Variants in CDH20 observed in about 807,000 individuals in gnomAD.
The protein encoded by CDH20 is cadherin 20.
A neutral mutation model predicts 74.2 loss-of-function variants in CDH20; 29 were observed. That is an observed-to-expected ratio of 0.39 (90% CI 0.29 to 0.53). CDH20 has a LOEUF of 0.53. Among genes scored for constraint, CDH20 ranks in the 20% least tolerant of loss-of-function variants. The probability of loss-of-function intolerance (pLI) is 0.69; values close to 1 mark genes in which losing one functional copy is unlikely to be tolerated. For synonymous variants in CDH20, 469 were observed against 405.4 expected, an observed-to-expected ratio of 1.16 and a Z score of -1.88; for missense variants, 988 against 1,048.3, an observed-to-expected ratio of 0.94 and a Z score of 0.79.
intron 6 of CDH20, among the ~76,000 whole-genome samples, chr18:61,522,201 G>T (rs1912234278): frequency 6.6e-6 from 1 of 152,158 alleles, no homozygotes; most frequent in South Asian, 2.1e-4. Context: ...TCCTTAAGCT[G>T]ATAAGCAACT....
intron 1 of CDH20, among the ~76,000 whole-genome samples, chr18:61,346,328 A>G (rs1182203275): frequency 6.6e-6 from 1 of 152,210 alleles, no homozygotes; most frequent in Non-Finnish European, 1.5e-5. Context: ...CATAGAAGAT[A>G]ACAAAATAAC....
chr18:61,519,178 A>G (rs934611059), intron 6 of CDH20, among the ~76,000 whole-genome samples: 3 of 151,416 alleles, frequency 2.0e-5, no homozygotes, highest in Non-Finnish European at 4.4e-5. Context: ...GGAGAATGGA[A>G]CCAAGTTGGA....
intron 2 of CDH20, among the ~76,000 whole-genome samples, chr18:61,498,761 G>A (rs990803329): frequency 6.6e-6 from 1 of 152,140 alleles, no homozygotes; most frequent in African/African-American, 2.4e-5. Flanking sequence ...AAAACTGTTT[G>A]ATACTCCAAA....
At chr18:61,433,937 A>T (rs563002307) in intron 1 of CDH20, among the ~76,000 whole-genome samples, 1 of 152,302 alleles carries the variant, frequency 6.6e-6, no homozygotes, top group African/African-American at 2.4e-5. Context: ...TAGAATCAAT[A>T]CAACACAGAG....
chr18:61,494,370 T>C (rs1214784781), intron 2 of CDH20, among the ~76,000 whole-genome samples: 1 of 152,142 alleles, frequency 6.6e-6, no homozygotes, highest in Non-Finnish European at 1.5e-5. Flanking sequence ...ATACTCACAA[T>C]TAGTGCTCGC....
intron 1 of CDH20, among the ~76,000 whole-genome samples, chr18:61,401,706 T>C (rs78501613): frequency 0.037 from 5,572 of 152,306 alleles, 145 homozygotes; most frequent in South Asian, 0.05. Flanking sequence ...TTCCTACAAA[T>C]GCCTTTCACA....
At chr18:61,547,182 G>A (rs934512631) in intron 10 of CDH20, among the ~76,000 whole-genome samples, 3 of 151,980 alleles carry the variant, frequency 2.0e-5, no homozygotes, top group Admixed American at 6.6e-5. Context: ...TTTTTAAGTA[G>A]CCAGACATGG....
intron 1 of CDH20, among the ~76,000 whole-genome samples, chr18:61,427,852 A>G (rs1000389946): frequency 1.3e-5 from 2 of 152,188 alleles, no homozygotes; most frequent in Non-Finnish European, 2.9e-5. Context: ...TACAAAAACT[A>G]AATTCCAAAG....
At chr18:61,404,199 A>G (rs912961419) in intron 1 of CDH20, among the ~76,000 whole-genome samples, 11 of 152,246 alleles carry the variant, frequency 7.2e-5, no homozygotes, top group Admixed American at 5.9e-4. Context: ...CACGTCCTGC[A>G]CATGTATCCT....
At chr18:61,374,296 G>A (rs943843304) in intron 1 of CDH20, among the ~76,000 whole-genome samples, 6 of 151,912 alleles carry the variant, frequency 3.9e-5, no homozygotes, top group Admixed American at 3.9e-4. Context: ...CCATCATAGG[G>A]GCTTCTCCAA....
chr18:61,506,596 G>A (rs1911569910), intron 5 of CDH20, among the ~76,000 whole-genome samples: 1 of 152,188 alleles, frequency 6.6e-6, no homozygotes, highest in Non-Finnish European at 1.5e-5. Flanking sequence ...TTGAGCCCCA[G>A]AAAAAGTAAG....
Position 61,364,746 on chromosome 18 carries a change from A to T in CDH20, c.-153+30919A>T, listed in dbSNP as rs1910806464. 2.0e-5 allele frequency among the ~76,000 whole-genome samples: 3 copies of T among 152,240 alleles called. No individual in the cohort carries two copies. The South Asian group carries it at 6.2e-4, about 31-fold the overall frequency. On this transcript the variant is annotated intron_variant, in intron 1 of 11. Coordinates refer to ENST00000262717, the MANE Select transcript of CDH20 (RefSeq NM_031891.4). ...TTCCCCTTCCACAATGAATGGAAGC[A>T]GCCTGAGGCTTGGCCCAGATGCCAG... is the stretch of plus-strand genomic sequence containing the variant.
intron 1 of CDH20, among the ~76,000 whole-genome samples, chr18:61,374,414 T>C (rs2144164364): frequency 6.6e-6 from 1 of 152,270 alleles, no homozygotes; most frequent in Admixed American, 6.5e-5. Context: ...AGGTCCAGTC[T>C]TTTGAATGGA....
At chr18:61,470,026 T>C (rs1347395827) in intron 1 of CDH20, among the ~76,000 whole-genome samples, 1 of 152,196 alleles carries the variant, frequency 6.6e-6, no homozygotes, top group Non-Finnish European at 1.5e-5. Context: ...GAAAACAGTT[T>C]GAGAGTTGCC....
intron 1 of CDH20, among the ~76,000 whole-genome samples, chr18:61,387,494 A>G (rs1377821730): frequency 6.6e-6 from 1 of 152,186 alleles, no homozygotes; most frequent in Admixed American, 6.5e-5. Flanking sequence ...AGTTTGCTCA[A>G]TTCAATAAAT....
At chr18:61,464,200 T>C (rs1909881239) in intron 1 of CDH20, among the ~76,000 whole-genome samples, 1 of 152,192 alleles carries the variant, frequency 6.6e-6, no homozygotes, top group Non-Finnish European at 1.5e-5. Context: ...CATCATTATA[T>C]GCTTTATGTA....
chr18:61,473,208 C>T (rs1011995904), intron 1 of CDH20, among the ~76,000 whole-genome samples: 20 of 152,144 alleles, frequency 1.3e-4, no homozygotes, highest in African/African-American at 4.6e-4. Context: ...TCTCTTTAAT[C>T]CTAATTTGAT....
In CDH20 at chr18:61,550,212, G is replaced by A; in HGVS notation, c.1883G>A (p.Cys628Tyr). 1.9e-6 allele frequency: 3 copies of A among 1,613,596 alleles called. No individual in the cohort carries two copies. The highest frequency in any genetic ancestry group is 1.7e-6 in the Non-Finnish European group (2 of 1,179,892). ...SRGALIAILA[C>Y]IFVLLVLVLL... ...GGCGCCCTCATTGCCATCCTCGCCTGCATCTTTGTCCTCTTAGGTGAGTAA... is the reference window on the plus strand; with the variant it reads ...GGCGCCCTCATTGCCATCCTCGCCTACATCTTTGTCCTCTTAGGTGAGTAA... Residue 628 changes from cysteine to tyrosine, a missense_variant, in exon 11 of 12, where the codon TGC (cysteine) becomes TAC (tyrosine). By Grantham distance (194) the Cys-to-Tyr change is radical. Around this residue, in one of 2 missense-constraint regions of CDH20, gnomAD observed 375 missense variants for 293.1 expected, o/e 1.28. Transcript: ENST00000262717.
At chr18:61,443,958 C>A (rs1909113628) in intron 1 of CDH20, among the ~76,000 whole-genome samples, 1 of 152,000 alleles carries the variant, frequency 6.6e-6, no homozygotes, top group Admixed American at 6.6e-5. Flanking sequence ...CTGGGAATCT[C>A]CAGTGACTCC....
Sources: gnomAD v4.1 joint callset for allele counts (sites outside exome capture counted in the v4.1 genomes callset) on GRCh38, gnomAD v4.1.1 for gene constraint, gnomAD v4.1.1 regional missense constraint, MANE v1.5 for transcripts, NCBI Gene and HGNC (gene_info 2026-07-23, HGNC 2026-07-21) for gene names.